ACTL8: variants seen among roughly 807,000 people sequenced by gnomAD.
The protein encoded by ACTL8 is actin like 8, also known as actin-like protein 8.
ACTL8 carries 3 observed loss-of-function variants against 9.3 expected under a neutral mutation model. That is an observed-to-expected ratio of 0.32 (90% confidence interval 0.15 to 0.83). The LOEUF (loss-of-function observed/expected upper bound fraction) is 0.83, where lower values mean the gene tolerates loss of function less well. ACTL8 is among the 40% of genes least tolerant of loss of function. The probability of loss-of-function intolerance (pLI) is 0.57; values close to 1 mark genes in which losing one functional copy is unlikely to be tolerated. For missense variants in ACTL8, 381 were observed against 492.2 expected (o/e 0.77, Z 2.14); for synonymous variants, 224 against 205.9 (o/e 1.09, Z -0.75).
At chr1:17,762,609 A>G (rs1055897288) in intron 1 of ACTL8, among the ~76,000 whole-genome samples, 1 of 152,036 alleles carries the variant, frequency 6.6e-6, no homozygotes, top group Non-Finnish European at 1.5e-5. Context: ...GTGGTTGTGC[A>G]CTGTGTCTGG....
chr1:17,792,815 G>A (rs561697885), intron 1 of ACTL8, among the ~76,000 whole-genome samples: 38 of 152,338 alleles, frequency 2.5e-4, no homozygotes, highest in Non-Finnish European at 5.0e-4. Context: ...AGACCAAAGA[G>A]AAGGCAAGGA....
At chr1:17,812,093 A>G (rs2066396857) in intron 1 of ACTL8, among the ~76,000 whole-genome samples, 1 of 152,082 alleles carries the variant, frequency 6.6e-6, no homozygotes, top group East Asian at 1.9e-4. Flanking sequence ...CCTGAGCTCA[A>G]GTGATCTGCC....
chr1:17,790,950 TTGCTC>T (rs1419685653), intron 1 of ACTL8, among the ~76,000 whole-genome samples: 1 of 152,172 alleles, frequency 6.6e-6, no homozygotes. Flanking sequence ...GGCCTTGACT[TTGCTC>T]TGAGATTGGA....
intron 1 of ACTL8, among the ~76,000 whole-genome samples, chr1:17,781,490 C>T (rs373464607): frequency 2.6e-5 from 4 of 152,078 alleles, no homozygotes; most frequent in South Asian, 2.1e-4. Context: ...CTGCCTGCCT[C>T]GACCTCCCAA....
chr1:17,782,636 A>G (rs1046880692), intron 1 of ACTL8, among the ~76,000 whole-genome samples: 3 of 152,208 alleles, frequency 2.0e-5, no homozygotes, highest in African/African-American at 4.8e-5. Context: ...CCAGCCACAT[A>G]GAGTTCTGTT....
intron 1 of ACTL8, among the ~76,000 whole-genome samples, chr1:17,799,688 C>G (rs2066306476): frequency 6.6e-6 from 1 of 152,100 alleles, no homozygotes. Context: ...CAAAAAAATT[C>G]TCCCACAATC....
At chr1:17,804,673 T>A (rs1215191570) in intron 1 of ACTL8, among the ~76,000 whole-genome samples, 1 of 151,794 alleles carries the variant, frequency 6.6e-6, no homozygotes, top group South Asian at 2.1e-4. Flanking sequence ...AATGGTGCCA[T>A]CTCGGCTCAC....
chr1:17,819,490 T>C (rs1557447720), intron 1 of ACTL8, among the ~76,000 whole-genome samples: 1 of 152,180 alleles, frequency 6.6e-6, no homozygotes, highest in Non-Finnish European at 1.5e-5. Context: ...GCTCTCATGC[T>C]CAATAGTGAT....
At chr1:17,755,968 T>C (rs937173664) in intron 1 of ACTL8, among the ~76,000 whole-genome samples, 5 of 152,102 alleles carry the variant, frequency 3.3e-5, no homozygotes, top group Non-Finnish European at 7.4e-5. Context: ...CCTTGGGGGC[T>C]CCACGTCAGC....
At chr1:17,818,070 C>T (rs972267307) in intron 1 of ACTL8, among the ~76,000 whole-genome samples, 2 of 152,214 alleles carry the variant, frequency 1.3e-5, no homozygotes, top group Non-Finnish European at 2.9e-5. Context: ...TCTTTACATA[C>T]ACTTAATAGG....
intron 2 of ACTL8, 100 bp from the exon 3 acceptor site, chr1:17,825,667 C>T: frequency 6.9e-7 from 1 of 1,458,952 alleles, no homozygotes; most frequent in Non-Finnish European, 9.2e-7. Context: ...CCTGGGGCAG[C>T]CCGAGAGTCC....
chr1:17,771,060 G>A (rs986905264), intron 1 of ACTL8, among the ~76,000 whole-genome samples: 1 of 152,166 alleles, frequency 6.6e-6, no homozygotes, highest in Non-Finnish European at 1.5e-5. Flanking sequence ...CTTGTAAAGC[G>A]TATAGAACAG....
intron 1 of ACTL8, among the ~76,000 whole-genome samples, chr1:17,761,897 A>G (rs2066008987): frequency 6.6e-6 from 1 of 151,036 alleles, no homozygotes; most frequent in Non-Finnish European, 1.5e-5. Context: ...ACTTAGCTCT[A>G]ATGCCTCCAG....
chr1:17,789,269 C>T, intron 1 of ACTL8, among the ~76,000 whole-genome samples: 1 of 152,054 alleles, frequency 6.6e-6, no homozygotes, highest in East Asian at 1.9e-4. Context: ...GGGAGGGATG[C>T]TCGTGTGGGC....
chr1:17,766,651 A>G (rs2066046420), intron 1 of ACTL8, among the ~76,000 whole-genome samples: 1 of 152,010 alleles, frequency 6.6e-6, no homozygotes, highest in Non-Finnish European at 1.5e-5. Flanking sequence ...GATTATCCCC[A>G]CTTTACAGAT....
At chr1:17,807,868 A>G (rs985669517) in intron 1 of ACTL8, among the ~76,000 whole-genome samples, 15 of 152,138 alleles carry the variant, frequency 9.9e-5, no homozygotes, top group Non-Finnish European at 1.9e-4. Context: ...GGGGAGGGAT[A>G]ACATTAGGAG....
chr1:17,776,472 G>A (rs944202267), intron 1 of ACTL8, among the ~76,000 whole-genome samples: 2 of 152,190 alleles, frequency 1.3e-5, no homozygotes, highest in African/African-American at 2.4e-5. Flanking sequence ...CAGGAGTTGC[G>A]GGGTGAGGCT....
At chr1:17,774,997 GGAGA>G (rs1557430764) in intron 1 of ACTL8, among the ~76,000 whole-genome samples, 1 of 152,156 alleles carries the variant, frequency 6.6e-6, no homozygotes, top group African/African-American at 2.4e-5. Flanking sequence ...ATCTAGGTGA[GGAGA>G]GAGAGGCCTG....
At chr1:17,762,637 A>T (rs1374401154) in intron 1 of ACTL8, among the ~76,000 whole-genome samples, 1 of 152,072 alleles carries the variant, frequency 6.6e-6, no homozygotes, top group Admixed American at 6.5e-5. Context: ...GGTCCCCGAT[A>T]TCGAACCCCA....
Sources: allele counts gnomAD v4.1 joint callset (sites outside exome capture counted in the v4.1 genomes callset), GRCh38; gene constraint gnomAD v4.1.1; transcripts MANE v1.5; gene names NCBI Gene and HGNC (gene_info 2026-07-23, HGNC 2026-07-21).